The following SNX29 variants were observed in gnomAD, a reference collection of about 807,000 sequenced individuals.
SNX29 encodes the protein sorting nexin-29.
Under a neutral mutation model 102.1 loss-of-function variants are expected in SNX29, and 78 were observed. The observed-to-expected ratio is 0.76, with a 90% CI of 0.64 to 0.92. SNX29 has a LOEUF of 0.92. Among genes scored for constraint, SNX29 ranks in the 40% least tolerant of loss-of-function variants. The pLI is 0.00. For synonymous variants in SNX29, 580 were observed against 414.5 expected (o/e 1.40, Z -4.85); for missense variants, 1,280 against 1,061.7 (o/e 1.21, Z -2.86).
chr16:12,565,282 C>G (rs948535157), intron 20 of SNX29, among the ~76,000 whole-genome samples: 2 of 151,990 alleles, frequency 1.3e-5, no homozygotes, highest in African/African-American at 2.4e-5. Flanking sequence ...CTCACATACG[C>G]CAGCAGCCAC....
intron 14 of SNX29, among the ~76,000 whole-genome samples, chr16:12,211,043 C>G (rs1031420875): frequency 6.6e-6 from 1 of 152,076 alleles, no homozygotes; most frequent in Non-Finnish European, 1.5e-5. Context: ...AGCTGTTTTT[C>G]CCACCACCTC....
chr16:12,101,297 C>T (rs1301495489), intron 11 of SNX29, among the ~76,000 whole-genome samples: 2 of 70,830 alleles, frequency 2.8e-5, no homozygotes, highest in Non-Finnish European at 4.8e-5. Context: ...GTGGCCCCCC[C>T]CAACTTTTTT....
chr16:12,059,741 T>C (rs1272671333), intron 8 of SNX29, among the ~76,000 whole-genome samples: 1 of 152,150 alleles, frequency 6.6e-6, no homozygotes, highest in African/African-American at 2.4e-5. Flanking sequence ...AAGCCTGAAA[T>C]ATGTACTCTC....
intron 20 of SNX29, among the ~76,000 whole-genome samples, chr16:12,530,519 C>T (rs2076902698): frequency 6.6e-6 from 1 of 151,758 alleles, no homozygotes; most frequent in Non-Finnish European, 1.5e-5. Flanking sequence ...ATAGAAACTC[C>T]ACTGTTCTGA....
chr16:12,270,558 T>C (rs1182864656), intron 14 of SNX29, among the ~76,000 whole-genome samples: 1 of 152,200 alleles, frequency 6.6e-6, no homozygotes, highest in Non-Finnish European at 1.5e-5. Context: ...CCTTTGGCAG[T>C]TGAGAGATGG....
At chr16:12,387,135 T>TAA (rs778794712) in intron 16 of SNX29, among the ~76,000 whole-genome samples, 1 of 130,904 alleles carries the variant, frequency 7.6e-6, no homozygotes, top group Non-Finnish European at 1.7e-5. Context: ...ATTAAAAAAA[T>TAA]AAAAAAAAAA....
chr16:12,520,900 C>G (rs779049269), intron 19 of SNX29, among the ~76,000 whole-genome samples: 1 of 152,178 alleles, frequency 6.6e-6, no homozygotes, highest in Non-Finnish European at 1.5e-5. Flanking sequence ...GAATTCACCA[C>G]TAAAGAACTC....
chr16:12,281,859 C>A (rs1051570823), intron 15 of SNX29, among the ~76,000 whole-genome samples: 5 of 152,008 alleles, frequency 3.3e-5, no homozygotes, highest in African/African-American at 1.2e-4. Context: ...TCACTTCAGA[C>A]TAGGAGTTCG....
chr16:12,483,841 G>A (rs550212320), intron 19 of SNX29, among the ~76,000 whole-genome samples: 2 of 152,332 alleles, frequency 1.3e-5, no homozygotes, highest in East Asian at 3.9e-4. Context: ...TCAGGTGGTG[G>A]CTTCTAAAGC....
At chr16:12,313,101 C>T (rs2080616409) in intron 15 of SNX29, among the ~76,000 whole-genome samples, 1 of 152,018 alleles carries the variant, frequency 6.6e-6, no homozygotes, top group Non-Finnish European at 1.5e-5. Context: ...ACAACCTCCG[C>T]CTCCTGGGGT....
chr16:12,412,757 C>G (rs1448484934), intron 18 of SNX29, among the ~76,000 whole-genome samples: 1 of 152,192 alleles, frequency 6.6e-6, no homozygotes, highest in Non-Finnish European at 1.5e-5. Flanking sequence ...TGTAAATAGT[C>G]TATAGGTAGA....
chr16:12,044,804 A>G (rs1016337237), intron 5 of SNX29, among the ~76,000 whole-genome samples: 5 of 151,996 alleles, frequency 3.3e-5, no homozygotes. Flanking sequence ...GGTCTTCTTG[A>G]TCTCCTGACC....
rs368644273 is a variant in SNX29 at position 12,522,936 on chromosome 16, A to G, written c.2179-1766A>G. On this transcript the variant is annotated intron_variant, in intron 19 of 20. Transcript: ENST00000566228. ...AGCAGTCCTCCTGCTGCAGCCACCC[A>G]TGTAGCTGGGACTACAGGTGCACAC... Among the ~76,000 whole-genome samples the G allele has an allele frequency of 6.4e-4, 98 of 152,260 alleles. 2 individuals carry two copies. The South Asian group carries it at 0.02, about 30-fold the overall frequency.
Position 12,572,388 on chromosome 16 carries a change from C to T in SNX29, c.*3759C>T, listed in dbSNP as rs190858530. The T allele has an allele frequency of 1.3e-4, 140 of 1,063,202 alleles. 1 individual carries two copies. The African/African-American group carries it at 2.1e-3, about 16-fold the overall frequency. 65.9% of individuals were successfully genotyped at this position (1,063,202 alleles called of 1,614,324 possible). ...TGCCTTCTGGAGGCGGCTTATATCC[C>T]AACAGCCTGAGGCAGGGCTCTGTGG... On this transcript the variant is annotated 3_prime_UTR_variant, in exon 21 of 21. Transcript: ENST00000566228.
chr16:12,394,634 G>A (rs773510055), intron 16 of SNX29, among the ~76,000 whole-genome samples: 92 of 152,196 alleles, frequency 6.0e-4, no homozygotes, highest in Non-Finnish European at 1.1e-3. Context: ...TTATCTGGTA[G>A]TTGGTGCTGG....
Position 12,058,031 on chromosome 16 carries a change from C to G in SNX29, c.1125-3497C>G, listed in dbSNP as rs1208570412. 4.6e-5 allele frequency among the ~76,000 whole-genome samples: 7 copies of G among 152,064 alleles called. No individual in the cohort carries two copies. In the East Asian group the frequency reaches 1.4e-3, roughly 29 times the overall value. ...ATGGGGTTTCACCATGTTGGCCAGGCTGGTCTCAAAACTCCTGACCTCAGG... is the reference window on the plus strand; with the variant it reads ...ATGGGGTTTCACCATGTTGGCCAGGGTGGTCTCAAAACTCCTGACCTCAGG... On this transcript the variant is annotated intron_variant, in intron 8 of 20. Coordinates refer to ENST00000566228, the MANE Select transcript of SNX29 (RefSeq NM_032167.5).
At chr16:12,544,911 A>G (rs910391137) in intron 20 of SNX29, among the ~76,000 whole-genome samples, 2 of 152,206 alleles carry the variant, frequency 1.3e-5, no homozygotes, top group African/African-American at 2.4e-5. Context: ...ATCAATAGTC[A>G]TTAGATGTTA....
chr16:12,277,938 A>C lies in SNX29; in HGVS notation c.1684A>C (p.Asn562His). The change falls in exon 15 of 21, where the codon AAT becomes CAT. Residue 562 changes from asparagine to histidine, a missense_variant. Transcript: ENST00000566228. ...ATGTCTCTCTTTCTCTAAAGTGCCA[A>C]ATCTTTGGAGTGTTGATGGAGAAGT... is the stretch of plus-strand genomic sequence containing the variant. ...KREGQTAEVPNLWSVDGEVTV... is the reference protein window; with the variant it reads ...KREGQTAEVPHLWSVDGEVTV... The C allele has an allele frequency of 1.2e-6, 2 of 1,606,276 alleles. No homozygotes were observed. Among genetic ancestry groups the C allele is most frequent in the East Asian group, 2.2e-5 (1 of 44,728 alleles).
intron 20 of SNX29, chr16:12,546,609 A>G (rs933128985): frequency 6.6e-5 from 10 of 152,246 alleles, no homozygotes; most frequent in African/African-American, 1.9e-4. Context: ...CAGGTGGAAC[A>G]TAAATGCCAG....
Sources: gnomAD v4.1 joint callset for allele counts (sites outside exome capture counted in the v4.1 genomes callset) on GRCh38, gnomAD v4.1.1 for gene constraint, MANE v1.5 for transcripts, NCBI Gene and HGNC (gene_info 2026-07-23, HGNC 2026-07-21) for gene names.